Variants in RBM20 observed in about 807,000 individuals in gnomAD.
The protein encoded by RBM20 is RNA-binding protein 20.
In RBM20, 51 loss-of-function variants were observed where a neutral mutation model predicts 110.1. The observed-to-expected ratio is 0.46, with a 90% CI of 0.37 to 0.59. The LOEUF (loss-of-function observed/expected upper bound fraction) is 0.59. RBM20 is among the 20% of genes least tolerant of loss of function. RBM20 has a pLI of 0.00. For missense variants in RBM20, 1,512 were observed against 1,574.9 expected, an observed-to-expected ratio of 0.96 and a Z score of 0.68; for synonymous variants, 589 against 618.2, an observed-to-expected ratio of 0.95 and a Z score of 0.70.
chr10:110,811,396 A>G (rs570936193), intron 8 of RBM20, among the ~76,000 whole-genome samples: 1 of 152,318 alleles, frequency 6.6e-6, no homozygotes, highest in East Asian at 1.9e-4. Flanking sequence ...GTATCTGTAT[A>G]TATGTGCGTA....
At chr10:110,798,258 A>G (rs989118920) in intron 6 of RBM20, among the ~76,000 whole-genome samples, 1 of 152,242 alleles carries the variant, frequency 6.6e-6, no homozygotes, top group Non-Finnish European at 1.5e-5. Flanking sequence ...TTATACTCCC[A>G]ACAGTCAGAA....
chr10:110,693,868 A>G (rs1216148210), intron 1 of RBM20, among the ~76,000 whole-genome samples: 2 of 152,206 alleles, frequency 1.3e-5, no homozygotes, highest in Non-Finnish European at 2.9e-5. Flanking sequence ...GTAAAATATC[A>G]TTATTGACTC....
intron 1 of RBM20, among the ~76,000 whole-genome samples, chr10:110,728,809 T>C (rs1843590890): frequency 6.6e-6 from 1 of 152,180 alleles, no homozygotes; most frequent in African/African-American, 2.4e-5. Context: ...TCGCCAGGTC[T>C]CAGGACTGAC....
At position 110,823,849 on chromosome 10, in the gene RBM20, C is replaced by T. The variant is rs559310843; in HGVS notation, c.3451+235C>T. On this transcript the variant is annotated intron_variant, in intron 12 of 13. Transcript: ENST00000369519. ...CCTCCCACCTCAGCCTCCTGAGAAA[C>T]TTGGACAACAGGTACACACCACCAG... Among the ~76,000 whole-genome samples the T allele has an allele frequency of 7.9e-5, 12 of 151,984 alleles. No homozygotes were observed. The South Asian group carries it at 2.5e-3, about 32-fold the overall frequency.
chr10:110,693,629 A>G (rs1862621017), intron 1 of RBM20, among the ~76,000 whole-genome samples: 1 of 152,190 alleles, frequency 6.6e-6, no homozygotes, highest in Non-Finnish European at 1.5e-5. Context: ...ATGACATGTT[A>G]TTTCTTTCCA....
chr10:110,784,683 T>C (rs1166602236), intron 4 of RBM20, 109 bp from the exon 5 acceptor site: 4 of 773,610 alleles, frequency 5.2e-6, no homozygotes, highest in African/African-American at 1.7e-5. Flanking sequence ...CAATCACTAA[T>C]AATATGTGAA....
rs1051700573 is a variant in RBM20 at position 110,821,820 on chromosome 10, G to A, written c.3201G>A (p.Lys1067=). The A allele has an allele frequency of 4.5e-6, 7 of 1,551,624 alleles. No individual in the cohort carries two copies. The highest frequency in any genetic ancestry group is 6.1e-6 in the Non-Finnish European group (7 of 1,147,002). ...CAAGCCCATTTGTGGATGATTGCAAGACCAGGGGGACCCCCGAAGATGGGG... is the reference window on the plus strand; with the variant it reads ...CAAGCCCATTTGTGGATGATTGCAAAACCAGGGGGACCCCCGAAGATGGGG... The part of the protein sequence containing the change: ...RQPSPFVDDC[K]TRGTPEDGAC... Residue 1067 remains lysine, a synonymous_variant, in exon 11 of 14, where the codon AAG becomes AAA. Transcript: ENST00000369519.
chr10:110,657,526 A>G (rs1344338358), intron 1 of RBM20, among the ~76,000 whole-genome samples: 1 of 152,174 alleles, frequency 6.6e-6, no homozygotes, highest in East Asian at 1.9e-4. Flanking sequence ...TTGGAATGGT[A>G]AGAGTCTTTG....
upstream of RBM20, among the ~76,000 whole-genome samples, chr10:110,644,161 A>G (rs1417331310): frequency 6.6e-6 from 1 of 152,158 alleles, no homozygotes; most frequent in African/African-American, 2.4e-5. This position sits in a 1 kb window ranked among gnomAD's most constrained non-coding sequence, Gnocchi z 4.3. Context: ...GTCGGCGGGC[A>G]GAGTTCCTGG....
chr10:110,781,979 T>C, intron 2 of RBM20, 95 bp downstream of exon 2: 1 of 1,452,168 alleles, frequency 6.9e-7, no homozygotes, highest in Non-Finnish European at 9.4e-7. Context: ...CAAGGAACTG[T>C]TGCATTGGGG....
intron 1 of RBM20, among the ~76,000 whole-genome samples, chr10:110,690,235 C>T (rs1280205716): frequency 1.3e-5 from 2 of 152,014 alleles, no homozygotes; most frequent in Non-Finnish European, 2.9e-5. Flanking sequence ...GTGAGCCCTC[C>T]TGTCTACTAA....
intron 1 of RBM20, among the ~76,000 whole-genome samples, chr10:110,743,709 C>T (rs575061750): frequency 6.6e-6 from 1 of 152,158 alleles, no homozygotes; most frequent in Non-Finnish European, 1.5e-5. Context: ...CTCTGCCTCC[C>T]AGTTCAAGCG....
intron 1 of RBM20, among the ~76,000 whole-genome samples, chr10:110,766,098 G>C (rs1303907203): frequency 6.6e-6 from 1 of 150,846 alleles, no homozygotes; most frequent in African/African-American, 2.4e-5. Flanking sequence ...AAGTGCTGGA[G>C]AGCAGTTTCA....
intron 5 of RBM20, among the ~76,000 whole-genome samples, chr10:110,792,237 T>G (rs1844494189): frequency 6.6e-6 from 1 of 152,182 alleles, no homozygotes; most frequent in South Asian, 2.1e-4. Context: ...AATCATTATT[T>G]TTAGAGTAGG....
chr10:110,707,635 T>G (rs576610657), intron 1 of RBM20, among the ~76,000 whole-genome samples: 2 of 152,324 alleles, frequency 1.3e-5, no homozygotes, highest in East Asian at 3.9e-4. Flanking sequence ...ACATTATTTG[T>G]GTTAAGTGAA....
rs1861834663 is a variant in RBM20, at chr10:110,644,395, G to A, written c.-60G>A. 48 of 1,339,330 alleles carry A rather than the reference G, an allele frequency of 3.6e-5. No individual in the cohort carries two copies. In the South Asian group the frequency reaches 8.2e-4, roughly 23 times the overall value. 83.0% of individuals were successfully genotyped at this position (1,339,330 alleles called of 1,614,324 possible). On this transcript the variant is annotated 5_prime_UTR_variant, in exon 1 of 14. Coordinates refer to ENST00000369519, the MANE Select transcript of RBM20 (RefSeq NM_001134363.3). The surrounding 1 kb of genome is among the most constrained non-coding windows in gnomAD (Gnocchi z 4.3). Reference sequence around the variant, plus strand: ...GGACCCCGGCCAGTGAGCGCCCGTGGCCCGGGACCGCCCCTCCCTTGAGCT... The same window carrying A: ...GGACCCCGGCCAGTGAGCGCCCGTGACCCGGGACCGCCCCTCCCTTGAGCT...
At chr10:110,761,469 T>C (rs917466169) in intron 1 of RBM20, among the ~76,000 whole-genome samples, 8 of 133,210 alleles carry the variant, frequency 6.0e-5, no homozygotes, top group African/African-American at 2.2e-4. Context: ...GGCAGCATAG[T>C]ATGTCCTTAA....
chr10:110,759,530 T>C (rs1843968197), intron 1 of RBM20, among the ~76,000 whole-genome samples: 1 of 152,214 alleles, frequency 6.6e-6, no homozygotes, highest in Admixed American at 6.5e-5. Context: ...CATTGGGATC[T>C]CTCAGGCCAC....
intron 2 of RBM20, among the ~76,000 whole-genome samples, chr10:110,782,513 T>G (rs1380668881): frequency 6.6e-6 from 1 of 152,216 alleles, no homozygotes; most frequent in African/African-American, 2.4e-5. Context: ...CAATAACAAT[T>G]ATAACAAATA....
Sources: gnomAD v4.1 joint callset for allele counts (sites outside exome capture counted in the v4.1 genomes callset) on GRCh38, gnomAD v4.1.1 for gene constraint, Gnocchi (gnomAD v3.1) non-coding constraint, MANE v1.5 for transcripts, NCBI Gene and HGNC (gene_info 2026-07-23, HGNC 2026-07-21) for gene names.